Variants in TSHZ3 observed in about 807,000 individuals in gnomAD.
The protein encoded by TSHZ3 is teashirt homolog 3.
TSHZ3 carries 10 observed loss-of-function variants against 64.5 expected under a neutral mutation model. The ratio of observed to expected loss-of-function variants is 0.16; its 90% CI spans 0.10 to 0.26. TSHZ3 has a LOEUF of 0.26. Among genes scored for constraint, TSHZ3 ranks in the 10% least tolerant of loss-of-function variants. The pLI, the probability that TSHZ3 is intolerant of heterozygous loss-of-function variation, is 1.00. For synonymous variants in TSHZ3, 608 were observed against 593.1 expected, an observed-to-expected ratio of 1.03 and a Z score of -0.36; for missense variants, 1,242 against 1,421.7, an observed-to-expected ratio of 0.87 and a Z score of 2.03.
At chr19:31,331,203 C>T (rs565652305) in intron 1 of TSHZ3, among the ~76,000 whole-genome samples, 2 of 152,222 alleles carry the variant, frequency 1.3e-5, no homozygotes, top group African/African-American at 2.4e-5. Context: ...GTGGACAGAG[C>T]GACACCAGGC....
chr19:31,296,356 C>T (rs922309012), intron 1 of TSHZ3, among the ~76,000 whole-genome samples: 9 of 116,364 alleles, frequency 7.7e-5, no homozygotes, highest in Non-Finnish European at 1.5e-4. Context: ...TTTTTTGAGA[C>T]GAAGTTTTGC....
intron 1 of TSHZ3, among the ~76,000 whole-genome samples, chr19:31,332,633 T>C (rs922404534): frequency 6.6e-6 from 1 of 152,144 alleles, no homozygotes; most frequent in African/African-American, 2.4e-5. Flanking sequence ...TAGGGGACTG[T>C]GATTACTGGG....
chr19:31,228,984 A>C (rs1197795548), intron 3 of TSHZ3, among the ~76,000 whole-genome samples: 1 of 152,206 alleles, frequency 6.6e-6, no homozygotes, highest in Non-Finnish European at 1.5e-5. Flanking sequence ...AACTGAGTCC[A>C]GTAATATTAG....
intron 5 of TSHZ3, among the ~76,000 whole-genome samples, chr19:31,179,501 A>C (rs1974665826): frequency 6.6e-6 from 1 of 152,208 alleles, no homozygotes; most frequent in South Asian, 2.1e-4. Flanking sequence ...GGGTGGAGGA[A>C]GATAGAAAGT....
chr19:31,153,219 T>C (rs1974263622), intron 6 of TSHZ3, among the ~76,000 whole-genome samples: 1 of 152,186 alleles, frequency 6.6e-6, no homozygotes, highest in Admixed American at 6.5e-5. Flanking sequence ...GCCAGTTTTC[T>C]ACCATGATTA....
intron 1 of TSHZ3, among the ~76,000 whole-genome samples, chr19:31,262,686 T>C (rs972272648): frequency 6.6e-6 from 1 of 152,236 alleles, no homozygotes; most frequent in African/African-American, 2.4e-5. Flanking sequence ...TGCCATAAAC[T>C]GTTCCTATAT....
chr19:31,226,575 A>G (rs919731641), intron 4 of TSHZ3, among the ~76,000 whole-genome samples: 1 of 152,190 alleles, frequency 6.6e-6, no homozygotes, highest in Non-Finnish European at 1.5e-5. Flanking sequence ...TGTCTTTATC[A>G]GCAGCGTGAA....
At chr19:31,174,733 G>A (rs73924590) in intron 5 of TSHZ3, among the ~76,000 whole-genome samples, 3,011 of 152,278 alleles carry the variant, frequency 0.02, 107 homozygotes, top group African/African-American at 0.068. Context: ...GGAGAGAGAG[G>A]CATGGAATTT....
intron 6 of TSHZ3, among the ~76,000 whole-genome samples, chr19:31,155,407 C>G (rs1974293773): frequency 6.6e-6 from 1 of 152,194 alleles, no homozygotes; most frequent in East Asian, 1.9e-4. Context: ...GTTTCTTTGC[C>G]AGGCTTTCCA....
In TSHZ3 at chr19:31,210,561, T is replaced by C. The variant is rs540803710; in HGVS notation, n.687-5483A>G. Among the ~76,000 whole-genome samples the C allele has an allele frequency of 5.8e-4, 89 of 152,224 alleles. No individual in the cohort carries two copies. The South Asian group carries it at 0.017, about 29-fold the overall frequency. The stretch of plus-strand genomic sequence containing the variant: ...GCCTGGAACACGTTTCATGAGTGTC[T>C]AGGGGTTAACACTTCAAGAAGAAAC... On this transcript the variant is annotated intron_variant and non_coding_transcript_variant, in intron 4 of 6. Coordinates refer to the TSHZ3 transcript ENST00000651361.
chr19:31,171,811 T>A (rs1359567790), intron 5 of TSHZ3, among the ~76,000 whole-genome samples: 1 of 152,072 alleles, frequency 6.6e-6, no homozygotes, highest in Admixed American at 6.6e-5. Context: ...GAGAAGGCCT[T>A]CCATCAGAGC....
chr19:31,180,250 CGAATGAAT>C (rs933403321), intron 5 of TSHZ3, among the ~76,000 whole-genome samples: 4 of 152,056 alleles, frequency 2.6e-5, no homozygotes, highest in Admixed American at 2.6e-4. Context: ...AATGAATGAA[CGAATGAAT>C]GAATGAATGA....
intron 1 of TSHZ3, among the ~76,000 whole-genome samples, chr19:31,339,808 G>T (rs965067407): frequency 2.7e-5 from 4 of 150,754 alleles, no homozygotes; most frequent in Non-Finnish European, 4.4e-5. Flanking sequence ...AAAAAAAAAG[G>T]GGGGGGCGTT....
At chr19:31,264,128 C>T (rs1219143215) in intron 1 of TSHZ3, among the ~76,000 whole-genome samples, 2 of 152,212 alleles carry the variant, frequency 1.3e-5, no homozygotes, top group Admixed American at 1.3e-4. Context: ...CAAATGGCCT[C>T]ACATTCCTTC....
At chr19:31,270,355 T>TTTGG (rs1976118157), downstream of TSHZ3, among the ~76,000 whole-genome samples, 2 of 152,200 alleles carry the variant, frequency 1.3e-5, no homozygotes, top group Admixed American at 6.5e-5. Context: ...AATTTGTTGG[T>TTTGG]TTGTTTGTTT....
At chr19:31,195,486 A>G (rs112527933) in intron 5 of TSHZ3, 43 of 152,198 alleles carry the variant, frequency 2.8e-4, no homozygotes, top group African/African-American at 9.4e-4. Context: ...AAAATTCTGT[A>G]CCCTGCAAAA....
At chr19:31,297,478 T>C (rs1412878468) in intron 1 of TSHZ3, among the ~76,000 whole-genome samples, 2 of 152,114 alleles carry the variant, frequency 1.3e-5, no homozygotes, top group African/African-American at 4.8e-5. Flanking sequence ...GATTTTCTAA[T>C]TTTTTATTTT....
intron 5 of TSHZ3, among the ~76,000 whole-genome samples, chr19:31,190,914 A>G (rs898005729): frequency 7.9e-5 from 12 of 152,146 alleles, no homozygotes; most frequent in African/African-American, 2.7e-4. Flanking sequence ...GTAATCTGAA[A>G]TGAAAATTTC....
chr19:31,330,049 G>A (rs1241476407), intron 1 of TSHZ3, among the ~76,000 whole-genome samples: 1 of 151,664 alleles, frequency 6.6e-6, no homozygotes, highest in East Asian at 1.9e-4. Flanking sequence ...CATAAAAACT[G>A]TAATATCAGC....
Sources: allele counts gnomAD v4.1 joint callset (sites outside exome capture counted in the v4.1 genomes callset), GRCh38; gene constraint gnomAD v4.1.1; transcripts MANE v1.5; gene names NCBI Gene and HGNC (gene_info 2026-07-23, HGNC 2026-07-21).